ZC3H14: variants seen among roughly 807,000 people sequenced by gnomAD.
The protein encoded by ZC3H14 is zinc finger CCCH-type containing 14, also known as zinc finger CCCH domain-containing protein 14.
In ZC3H14, 31 loss-of-function variants were observed where a neutral mutation model predicts 92.4. The ratio of observed to expected loss-of-function variants is 0.34; its 90% CI spans 0.25 to 0.45. The LOEUF (loss-of-function observed/expected upper bound fraction) is 0.45, where lower values mean the gene tolerates loss of function less well. ZC3H14 is among the 20% of genes least tolerant of loss of function. The probability of loss-of-function intolerance (pLI) is 1.00; values close to 1 mark genes in which losing one functional copy is unlikely to be tolerated. For missense variants in ZC3H14, 781 were observed against 897.3 expected, an observed-to-expected ratio of 0.87 and a Z score of 1.66; for synonymous variants, 321 against 300.9, an observed-to-expected ratio of 1.07 and a Z score of -0.69.
chr14:88,593,369 G>A (rs564656899), intron 9 of ZC3H14, among the ~76,000 whole-genome samples: 17 of 152,068 alleles, frequency 1.1e-4, no homozygotes, highest in African/African-American at 4.1e-4. Flanking sequence ...TGTAGAAATC[G>A]GCAGGCTGAT....
intron 9 of ZC3H14, 67 bp downstream of exon 9, chr14:88,578,207 T>A (rs2081413269): frequency 1.3e-6 from 2 of 1,564,906 alleles, no homozygotes; most frequent in African/African-American, 2.7e-5. Flanking sequence ...TATTTTCCAA[T>A]GGATTTTTAT....
At chr14:88,567,124 A>ATTT (rs1555395154) in intron 2 of ZC3H14, among the ~76,000 whole-genome samples, 1 of 145,308 alleles carries the variant, frequency 6.9e-6, no homozygotes, top group Non-Finnish European at 1.5e-5. Context: ...TTATTTATTT[A>ATTT]TTTTTTTTTG....
At chr14:88,581,144 T>C (rs969467276) in intron 9 of ZC3H14, among the ~76,000 whole-genome samples, 1 of 152,200 alleles carries the variant, frequency 6.6e-6, no homozygotes, top group Non-Finnish European at 1.5e-5. Context: ...CACAGTGTAT[T>C]TTATATATAA....
At chr14:88,563,379 G>T in intron 1 of ZC3H14, 1 of 1,441,066 alleles carries the variant, frequency 6.9e-7, no homozygotes. Context: ...TAGCCGCCGG[G>T]AAATGGAAGG....
chr14:88,622,632 T>G lies in ZC3H14; in HGVS notation c.*10881T>G, dbSNP rs1180325543. On this transcript the variant is annotated 3_prime_UTR_variant, in exon 17 of 17. Coordinates refer to ENST00000251038, the MANE Select transcript of ZC3H14 (RefSeq NM_024824.5). ...GCCTCTGCACACAGAACGAACACAA[T>G]CTGTGGCTTGTCCTGTCTCAAGCCT... 6.2e-7 allele frequency: 1 copy of G among 1,610,082 alleles called. No homozygotes were observed. The highest frequency in any genetic ancestry group is 1.7e-5 in the Admixed American group (1 of 59,570).
Position 88,618,820 on chromosome 14 carries a change from A to G in ZC3H14, c.*7069A>G. The G allele has an allele frequency of 6.4e-7, 1 of 1,565,858 alleles. No homozygotes were observed. Among genetic ancestry groups the G allele is most frequent in the Middle Eastern group, 1.8e-4 (1 of 5,548 alleles). ...CGGGAATCCGGACTAAATCTGAATCAAAACAAAACGTAAAAAGTATTAGAC... is the reference window on the plus strand; with the variant it reads ...CGGGAATCCGGACTAAATCTGAATCGAAACAAAACGTAAAAAGTATTAGAC... On this transcript the variant is annotated 3_prime_UTR_variant, in exon 17 of 17. Coordinates refer to ENST00000251038, the MANE Select transcript of ZC3H14 (RefSeq NM_024824.5).
At position 88,616,689 on chromosome 14, in the gene ZC3H14, G is replaced by C; in HGVS notation, c.*4938G>C. 6.3e-7 allele frequency: 1 copy of C among 1,578,946 alleles called. No individual in the cohort carries two copies. The highest frequency in any genetic ancestry group is 8.6e-7 in the Non-Finnish European group (1 of 1,158,070). ...GCTGATGATAAGACATCAAAATTAG[G>C]AGTAAACTGATAATAGTAAACAAAA... On this transcript the variant is annotated 3_prime_UTR_variant, in exon 17 of 17. Coordinates refer to ENST00000251038, the MANE Select transcript of ZC3H14 (RefSeq NM_024824.5).
At position 88,618,200 on chromosome 14, in the gene ZC3H14, C is replaced by T. The variant is rs1459599603; in HGVS notation, c.*6449C>T. On this transcript the variant is annotated 3_prime_UTR_variant, in exon 17 of 17. Transcript: ENST00000251038. ...TTCTAACTGGCCTTCAAAGTCAGTT[C>T]TTGCCTTGTGAATATATAAGTATTT... 2.5e-6 allele frequency: 4 copies of T among 1,596,710 alleles called. No homozygotes were observed. Among genetic ancestry groups the T allele is most frequent in the Non-Finnish European group, 3.4e-6 (4 of 1,165,882 alleles).
intron 2 of ZC3H14, among the ~76,000 whole-genome samples, chr14:88,564,032 G>T (rs1287434968): frequency 1.3e-5 from 2 of 151,974 alleles, no homozygotes; most frequent in Non-Finnish European, 2.9e-5. Flanking sequence ...TTAACTCCTG[G>T]GCTCAAGCAA....
rs896817467 is a variant in ZC3H14, at chr14:88,563,060, G to C, written c.-74G>C. The C allele has an allele frequency of 9.1e-6, 14 of 1,532,168 alleles. No homozygotes were observed. Among genetic ancestry groups the C allele is most frequent in the Admixed American group, 3.9e-5 (2 of 51,106 alleles). 94.9% of individuals were successfully genotyped at this position (1,532,168 alleles called of 1,614,324 possible). A position where few individuals can be genotyped will look rare whatever the true frequency, so the allele number is the denominator to read the frequency against. On this transcript the variant is annotated 5_prime_UTR_variant, in exon 1 of 17. Coordinates refer to ENST00000251038, the MANE Select transcript of ZC3H14 (RefSeq NM_024824.5). ...GAGGAGGCGGTGGTGTCCCGGCTGC[G>C]GGGTAGGAGTCCGCGGCAGCCTCCG...
At chr14:88,608,412 C>T (rs919226823) in intron 13 of ZC3H14, 8 of 358,230 alleles carry the variant, frequency 2.2e-5, no homozygotes, top group Non-Finnish European at 3.3e-5. Flanking sequence ...CTGTATCTTA[C>T]ACCTTATTTT....
intron 1 of ZC3H14, 82 bp downstream of exon 1, chr14:88,563,251 G>A (rs2079099914): frequency 1.3e-6 from 2 of 1,551,820 alleles, no homozygotes; most frequent in South Asian, 2.4e-5. Flanking sequence ...CTGTGGGCCC[G>A]GGTGGACGCC....
At chr14:88,607,048 CTG>C (rs1436582869) in intron 12 of ZC3H14, among the ~76,000 whole-genome samples, 193 bp from the exon 13 acceptor site, 1 of 152,120 alleles carries the variant, frequency 6.6e-6, no homozygotes, top group African/African-American at 2.4e-5. Flanking sequence ...ACAGTGAGAA[CTG>C]TTGTCTTCTT....
chr14:88,611,415 A>G (rs560849833), intron 16 of ZC3H14, among the ~76,000 whole-genome samples: 18 of 152,300 alleles, frequency 1.2e-4, no homozygotes, highest in Admixed American at 9.2e-4. Flanking sequence ...TTCTCATTAT[A>G]TACTACGCAA....
intron 9 of ZC3H14, chr14:88,594,655 T>A: frequency 6.2e-7 from 1 of 1,610,284 alleles, no homozygotes; most frequent in Non-Finnish European, 8.5e-7. Context: ...CTTAATGAGC[T>A]GTGAAGAAAA....
rs557614031 is a variant in ZC3H14 at position 88,577,708 on chromosome 14, T to C, written c.1124-277T>C. 7.9e-5 allele frequency among the ~76,000 whole-genome samples: 12 copies of C among 152,254 alleles called. No individual in the cohort carries two copies. The South Asian group carries it at 2.5e-3, about 32-fold the overall frequency. On this transcript the variant is annotated intron_variant, in intron 8 of 16. Coordinates refer to ENST00000251038, the MANE Select transcript of ZC3H14 (RefSeq NM_024824.5). ...CCTCAGCCTCCTGAGTAGTTGGGATTACAGGTGTGTGCCACTATGCCCGGC... is the reference window on the plus strand; with the variant it reads ...CCTCAGCCTCCTGAGTAGTTGGGATCACAGGTGTGTGCCACTATGCCCGGC...
At chr14:88,572,320 A>G in intron 5 of ZC3H14, 95 bp downstream of exon 5, 6 of 1,397,572 alleles carry the variant, frequency 4.3e-6, no homozygotes, top group African/African-American at 1.4e-5. Context: ...GTTCTCAGCA[A>G]TTTTTAGAAA....
chr14:88,586,627 C>G (rs2082505523), intron 9 of ZC3H14: 1 of 152,192 alleles, frequency 6.6e-6, no homozygotes, highest in South Asian at 2.1e-4. Flanking sequence ...GTTTGATGTT[C>G]TGCAGTTTCA....
intron 9 of ZC3H14, among the ~76,000 whole-genome samples, chr14:88,583,054 TAAC>T (rs751741337): frequency 1.3e-5 from 2 of 150,688 alleles, no homozygotes; most frequent in African/African-American, 4.9e-5. Flanking sequence ...TTCAAAGACT[TAAC>T]AACATTATTC....
Sources: allele counts gnomAD v4.1 joint callset (sites outside exome capture counted in the v4.1 genomes callset), GRCh38; gene constraint gnomAD v4.1.1; transcripts MANE v1.5; gene names NCBI Gene and HGNC (gene_info 2026-07-23, HGNC 2026-07-21).